The following TRABD2B variants were observed in gnomAD, a reference collection of about 807,000 sequenced individuals.
The protein encoded by TRABD2B is TraB domain containing 2B.
TRABD2B carries 14 observed loss-of-function variants against 40.1 expected under a neutral mutation model. That is an observed-to-expected ratio of 0.35 (90% CI 0.23 to 0.55). The LOEUF (loss-of-function observed/expected upper bound fraction) is 0.55. TRABD2B is among the 20% of genes least tolerant of loss of function. TRABD2B has a pLI of 0.90. For missense variants in TRABD2B, 541 were observed against 648.6 expected (o/e 0.83, Z 1.80); for synonymous variants, 263 against 277.0 (o/e 0.95, Z 0.50).
rs187296136 is a variant in TRABD2B, at chr1:47,835,446, T to G, written c.667-33827A>C. ...ACCAAGAAGCTCAGTGAACTCCAAG[T>G]AGGATAAATTCAAAGAGATCCACAC... On this transcript the variant is annotated intron_variant, in intron 2 of 6. Coordinates refer to ENST00000606738, the MANE Select transcript of TRABD2B (RefSeq NM_001194986.2). Among the ~76,000 whole-genome samples, 240 of 147,992 alleles carry G rather than the reference T, an allele frequency of 1.6e-3. 1 individual carries two copies. Among genetic ancestry groups the G allele is most frequent in the African/African-American group, 5.8e-3 (232 of 40,028 alleles).
At chr1:47,936,600 T>C (rs1417324775) in intron 2 of TRABD2B, among the ~76,000 whole-genome samples, 1 of 151,992 alleles carries the variant, frequency 6.6e-6, no homozygotes, top group African/African-American at 2.4e-5. Flanking sequence ...ATAATAAGTT[T>C]TAAAAATTAG....
At chr1:47,965,408 C>T (rs1286935290) in intron 2 of TRABD2B, among the ~76,000 whole-genome samples, 1 of 151,942 alleles carries the variant, frequency 6.6e-6, no homozygotes, top group South Asian at 2.1e-4. Flanking sequence ...AAAAAATCTC[C>T]TTGGGGGCCA....
At chr1:47,897,524 T>C (rs1192474194) in intron 2 of TRABD2B, among the ~76,000 whole-genome samples, 1 of 152,104 alleles carries the variant, frequency 6.6e-6, no homozygotes, top group Non-Finnish European at 1.5e-5. Context: ...AGATGGAAGA[T>C]TTTTGATGTG....
At chr1:47,949,234 T>C (rs1645304384) in intron 2 of TRABD2B, among the ~76,000 whole-genome samples, 1 of 152,054 alleles carries the variant, frequency 6.6e-6, no homozygotes, top group Admixed American at 6.6e-5. Flanking sequence ...TGGCTATTAT[T>C]ATTCTCATTT....
chr1:47,902,168 T>C (rs917060255), intron 2 of TRABD2B, among the ~76,000 whole-genome samples: 2 of 152,208 alleles, frequency 1.3e-5, no homozygotes, highest in Admixed American at 6.5e-5. Flanking sequence ...AGAGTTTACA[T>C]GGGACACGTG....
intron 2 of TRABD2B, among the ~76,000 whole-genome samples, chr1:47,956,712 T>C (rs964256333): frequency 6.6e-6 from 1 of 152,204 alleles, no homozygotes; most frequent in Non-Finnish European, 1.5e-5. Context: ...GTGAGGAAGC[T>C]GAAACTGGGT....
intron 2 of TRABD2B, among the ~76,000 whole-genome samples, chr1:47,826,636 T>A (rs1181078713): frequency 2.0e-5 from 3 of 152,202 alleles, no homozygotes; most frequent in African/African-American, 4.8e-5. Flanking sequence ...TGCACTGGCG[T>A]GATCATAACT....
At chr1:47,932,152 A>G (rs868463413) in intron 2 of TRABD2B, among the ~76,000 whole-genome samples, 1 of 152,214 alleles carries the variant, frequency 6.6e-6, no homozygotes, top group African/African-American at 2.4e-5. Flanking sequence ...CTTGGAGACT[A>G]GTCTAGAGCT....
intron 2 of TRABD2B, among the ~76,000 whole-genome samples, chr1:47,973,411 T>C (rs1645709189): frequency 1.3e-5 from 2 of 152,216 alleles, no homozygotes; most frequent in South Asian, 2.1e-4. Context: ...ACCAGGTAGA[T>C]GATGTAACCC....
chr1:47,775,136 C>T lies in TRABD2B; in HGVS notation c.1349+34G>A, dbSNP rs565240135. On this transcript the variant is annotated intron_variant, in intron 6 of 6. Transcript: ENST00000606738. ...GTATACTATCCCGGGTGCAGACGCC[C>T]AGCTCCTGGGCAGACCTGCCCTCCC... is the stretch of plus-strand genomic sequence containing the variant. 14 of 1,232,732 alleles carry T rather than the reference C, an allele frequency of 1.1e-5. No homozygotes were observed. In the African/African-American group the frequency reaches 2.0e-4, roughly 18 times the overall value. 76.4% of individuals were successfully genotyped at this position (1,232,732 alleles called of 1,614,324 possible).
At position 47,899,442 on chromosome 1, in the gene TRABD2B, G is replaced by C. The variant is rs572302726; in HGVS notation, c.666+94592C>G. Among the ~76,000 whole-genome samples the C allele has an allele frequency of 8.5e-5, 13 of 152,284 alleles. No individual in the cohort carries two copies. In the East Asian group the frequency reaches 2.5e-3, roughly 29 times the overall value. On this transcript the variant is annotated intron_variant, in intron 2 of 6. Transcript: ENST00000606738. ...CTGGTGCTTTGGTCCCCTGAAACAA[G>C]GCCCTGCAAGGCCACTTGGACACTG...
intron 2 of TRABD2B, among the ~76,000 whole-genome samples, chr1:47,931,415 G>A (rs959133334): frequency 2.0e-5 from 3 of 152,102 alleles, no homozygotes; most frequent in African/African-American, 7.2e-5. Flanking sequence ...ACCTTTGGCA[G>A]GGGGTCTATG....
intron 2 of TRABD2B, among the ~76,000 whole-genome samples, chr1:47,897,127 G>T (rs1432659844): frequency 6.6e-6 from 1 of 152,202 alleles, no homozygotes; most frequent in Admixed American, 6.5e-5. Context: ...AGTGGAGCAG[G>T]AACAGGGGAC....
In TRABD2B at chr1:47,774,245, C is replaced by A. The variant is rs184500621; in HGVS notation, c.1349+925G>T. On this transcript the variant is annotated intron_variant, in intron 6 of 6. Transcript: ENST00000606738. ...GGTTTCGGGGGAAAATCCTGGATGG[C>A]GATCTCTAGGGTCCAGATGGAGAGT... 4.1e-3 allele frequency among the ~76,000 whole-genome samples: 619 copies of A among 152,192 alleles called. 2 individuals are homozygous for A. The highest frequency in any genetic ancestry group is 0.014 in the Middle Eastern group (4 of 294).
chr1:47,866,680 C>T (rs1644062403), intron 2 of TRABD2B, among the ~76,000 whole-genome samples: 2 of 152,158 alleles, frequency 1.3e-5, no homozygotes, highest in Admixed American at 6.5e-5. Context: ...AAGGATAAGC[C>T]AGAGGAGGCC....
chr1:47,830,935 G>A (rs1457540042), intron 2 of TRABD2B, among the ~76,000 whole-genome samples: 1 of 152,208 alleles, frequency 6.6e-6, no homozygotes, highest in Admixed American at 6.5e-5. Flanking sequence ...TAACCCAGCA[G>A]AGAGAGAGAA....
At chr1:47,772,634 G>C (rs1265034050) in intron 6 of TRABD2B, among the ~76,000 whole-genome samples, 1 of 152,112 alleles carries the variant, frequency 6.6e-6, no homozygotes, top group African/African-American at 2.4e-5. Flanking sequence ...GGGAGTAAAA[G>C]CTTCCCCAAA....
At chr1:47,905,766 T>C (rs1644668449) in intron 2 of TRABD2B, among the ~76,000 whole-genome samples, 1 of 152,122 alleles carries the variant, frequency 6.6e-6, no homozygotes, top group Admixed American at 6.5e-5. Context: ...CTATGGCATA[T>C]GGTGTGAAAG....
intron 2 of TRABD2B, among the ~76,000 whole-genome samples, chr1:47,832,201 C>T (rs974703590): frequency 2.6e-5 from 4 of 152,100 alleles, no homozygotes; most frequent in Admixed American, 1.3e-4. Flanking sequence ...GGCATGGTGG[C>T]GGGTGCCTGT....
Sources: allele counts gnomAD v4.1 joint callset (sites outside exome capture counted in the v4.1 genomes callset), GRCh38; gene constraint gnomAD v4.1.1; transcripts MANE v1.5; gene names NCBI Gene and HGNC (gene_info 2026-07-23, HGNC 2026-07-21).